Variants in GAREM1 observed in about 807,000 individuals in gnomAD.
The protein encoded by GAREM1 is GRB2 associated regulator of MAPK1 subtype 1.
Under a neutral mutation model 71.3 loss-of-function variants are expected in GAREM1, and 26 were observed. The observed-to-expected ratio is 0.36, with a 90% CI of 0.27 to 0.51. The LOEUF is 0.51. Among genes scored for constraint, GAREM1 ranks in the 20% least tolerant of loss-of-function variants. The pLI is 0.95. For synonymous variants in GAREM1, 440 were observed against 433.2 expected, an observed-to-expected ratio of 1.02 and a Z score of -0.20; for missense variants, 1,026 against 1,103.1, an observed-to-expected ratio of 0.93 and a Z score of 0.99.
Position 32,268,108 on chromosome 18 carries a change from G to A in GAREM1, c.2394C>T (p.Asp798=), listed in dbSNP as rs200553110. 1.2e-5 allele frequency: 19 copies of A among 1,613,976 alleles called. No individual in the cohort carries two copies. In the East Asian group the frequency reaches 1.6e-4, roughly 13 times the overall value. ...HLQLAPRSCG[D]GSPWQPPADL... ...CAGCAGGTGGCTGCCATGGGGAACC[G>A]TCGCCACAGGATCTGGGGGCCAGCT... Residue 798 remains aspartate (D), a synonymous_variant, in exon 6 of 6, where the codon GAC becomes GAT. Transcript: ENST00000269209.
intron 2 of GAREM1, among the ~76,000 whole-genome samples, chr18:32,387,375 T>C (rs2048158689): frequency 6.6e-6 from 1 of 152,204 alleles, no homozygotes; most frequent in Admixed American, 6.5e-5. Flanking sequence ...TTGGAATTAA[T>C]GTTCTGAGTA....
intron 2 of GAREM1, among the ~76,000 whole-genome samples, chr18:32,340,567 G>A (rs1274073337): frequency 6.6e-6 from 1 of 152,140 alleles, no homozygotes; most frequent in Non-Finnish European, 1.5e-5. Flanking sequence ...AGATTTCACT[G>A]AGACTTCCTT....
At chr18:32,364,026 ATG>A (rs2047902600) in intron 2 of GAREM1, among the ~76,000 whole-genome samples, 1 of 46,418 alleles carries the variant, frequency 2.2e-5, no homozygotes, top group African/African-American at 1.6e-4. Context: ...ATATATATAT[ATG>A]TTTTTTTTTT....
intron 1 of GAREM1, among the ~76,000 whole-genome samples, chr18:32,394,945 A>G (rs950669608): frequency 1.3e-5 from 2 of 152,224 alleles, no homozygotes; most frequent in Non-Finnish European, 2.9e-5. Context: ...CAGTGAATGG[A>G]AAGTGTGTAG....
intron 2 of GAREM1, among the ~76,000 whole-genome samples, chr18:32,380,275 A>C (rs2048082482): frequency 6.6e-6 from 1 of 152,126 alleles, no homozygotes; most frequent in Non-Finnish European, 1.5e-5. Context: ...CAGGAGTTCA[A>C]GACCAGCCTG....
chr18:32,321,933 C>T (rs1471798102), intron 2 of GAREM1, among the ~76,000 whole-genome samples: 2 of 152,296 alleles, frequency 1.3e-5, no homozygotes, highest in East Asian at 1.9e-4. Context: ...TACAATGGAA[C>T]TATTGGTCAT....
chr18:32,283,397 A>T lies in GAREM1; in HGVS notation c.1566+3634T>A, dbSNP rs538318871. Among the ~76,000 whole-genome samples, 767 of 152,104 alleles carry T rather than the reference A, an allele frequency of 5.0e-3. 8 individuals carry two copies. Among genetic ancestry groups the T allele is most frequent in the African/African-American group, 0.018 (742 of 41,502 alleles). On this transcript the variant is annotated intron_variant, in intron 4 of 5. Coordinates refer to ENST00000269209, the MANE Select transcript of GAREM1 (RefSeq NM_001242409.2). ...CCATCTCTACTAAAAATACAAAAAA[A>T]TTAGCCAGATGTGGTAGCGCATGCC...
chr18:32,381,980 T>TA (rs2048102236), intron 2 of GAREM1, among the ~76,000 whole-genome samples: 1 of 152,198 alleles, frequency 6.6e-6, no homozygotes, highest in African/African-American at 2.4e-5. Flanking sequence ...TTGCACCTGT[T>TA]AGAGCACTCA....
chr18:32,440,030 ATTC>A (rs1284616668), intron 1 of GAREM1, among the ~76,000 whole-genome samples: 3 of 152,110 alleles, frequency 2.0e-5, no homozygotes, highest in East Asian at 3.9e-4. Context: ...CATCTGCTCC[ATTC>A]TTCTCTCTCT....
chr18:32,399,661 C>T (rs113752170), intron 1 of GAREM1, among the ~76,000 whole-genome samples: 11,677 of 151,976 alleles, frequency 0.077, 467 homozygotes, highest in African/African-American at 0.1. Context: ...CACTGCTCAA[C>T]GAAATAAAAC....
At chr18:32,376,170 T>G (rs781179040) in intron 2 of GAREM1, among the ~76,000 whole-genome samples, 4 of 152,196 alleles carry the variant, frequency 2.6e-5, no homozygotes, top group Non-Finnish European at 5.9e-5. Flanking sequence ...AATTTACATA[T>G]AACATTTAAC....
chr18:32,408,730 G>A (rs2048388465), intron 1 of GAREM1, among the ~76,000 whole-genome samples: 1 of 152,078 alleles, frequency 6.6e-6, no homozygotes, highest in South Asian at 2.1e-4. Context: ...CCATGATTAG[G>A]AGCTCCCTGT....
intron 1 of GAREM1, among the ~76,000 whole-genome samples, chr18:32,457,226 A>AGAGAGAGAGTGTGTGT (rs1555648709): frequency 3.7e-5 from 3 of 81,926 alleles, no homozygotes; most frequent in African/African-American, 1.3e-4. Flanking sequence ...AGAGAGAGAG[A>AGAGAGAGAGTGTGTGT]GTGTGTGTGT....
intron 1 of GAREM1, 88 bp from the exon 2 acceptor site, chr18:32,393,123 G>T: frequency 8.0e-7 from 1 of 1,254,244 alleles, no homozygotes; most frequent in African/African-American, 1.5e-5. Context: ...GTTAAAACTT[G>T]ACTAATGCAG....
At chr18:32,339,537 A>G (rs1053362016) in intron 2 of GAREM1, among the ~76,000 whole-genome samples, 2 of 152,152 alleles carry the variant, frequency 1.3e-5, no homozygotes, top group African/African-American at 4.8e-5. Context: ...GACCTATGGG[A>G]AGGACTGCTG....
At chr18:32,290,912 G>A (rs193153281) in intron 3 of GAREM1, among the ~76,000 whole-genome samples, 54 of 152,226 alleles carry the variant, frequency 3.5e-4, no homozygotes, top group South Asian at 8.3e-4. Context: ...CAACCCGTGT[G>A]GCAGGGAATT....
chr18:32,463,479 G>A (rs530187078), intron 1 of GAREM1, among the ~76,000 whole-genome samples: 5 of 151,830 alleles, frequency 3.3e-5, no homozygotes, highest in African/African-American at 1.2e-4. Context: ...TCATTTTTAG[G>A]CACAGCCAAT....
At chr18:32,280,758 T>A (rs1459138940) in intron 4 of GAREM1, among the ~76,000 whole-genome samples, 1 of 152,170 alleles carries the variant, frequency 6.6e-6, no homozygotes, top group Non-Finnish European at 1.5e-5. Flanking sequence ...TTTTGTAATA[T>A]CTTAGAAACC....
intron 2 of GAREM1, chr18:32,331,509 G>T (rs1253051510): frequency 1.3e-5 from 2 of 152,152 alleles, no homozygotes; most frequent in Non-Finnish European, 2.9e-5. Context: ...TATGACATAA[G>T]AAAATAAGGC....
Sources: allele counts gnomAD v4.1 joint callset (sites outside exome capture counted in the v4.1 genomes callset), GRCh38; gene constraint gnomAD v4.1.1; transcripts MANE v1.5; gene names NCBI Gene and HGNC (gene_info 2026-07-23, HGNC 2026-07-21).